The following COL2A1 variants were observed in gnomAD, a reference collection of about 807,000 sequenced individuals.
The protein encoded by COL2A1 is collagen alpha-1(II) chain.
Under a neutral mutation model 204.5 loss-of-function variants are expected in COL2A1, and 28 were observed. That is an observed-to-expected ratio of 0.14 (90% CI 0.10 to 0.19). The LOEUF is 0.19. Ranked by LOEUF, COL2A1 falls within the 10% of genes least tolerant of loss-of-function variation. The pLI, the probability that COL2A1 is intolerant of heterozygous loss-of-function variation, is 1.00. For synonymous variants in COL2A1, 708 were observed against 718.7 expected (o/e 0.99, Z 0.24); for missense variants, 1,388 against 2,027.5 (o/e 0.68, Z 6.06).
At chr12:47,989,838 G>A (rs774914662) in intron 16 of COL2A1, 33 bp from the exon 17 acceptor site, 1 of 1,606,740 alleles carries the variant, frequency 6.2e-7, no homozygotes, top group East Asian at 2.2e-5. Context: ...CATGAGAGGT[G>A]CCCACAGGCC....
chr12:47,989,910 G>T, intron 16 of COL2A1, 105 bp from the exon 17 acceptor site: 1 of 1,124,090 alleles, frequency 8.9e-7, no homozygotes, highest in Non-Finnish European at 1.3e-6. Flanking sequence ...TGCCTGGGGT[G>T]TCCCAGGGCA....
chr12:47,989,966 C>A (rs1414153973), intron 16 of COL2A1, among the ~76,000 whole-genome samples, 161 bp from the exon 17 acceptor site: 1 of 151,998 alleles, frequency 6.6e-6, no homozygotes, highest in Non-Finnish European at 1.5e-5. Flanking sequence ...GGTGTCTGTG[C>A]GAGTGGGTGG....
intron 23 of COL2A1, among the ~76,000 whole-genome samples, 177 bp downstream of exon 23, chr12:47,986,159 C>G (rs1939392407): frequency 6.6e-6 from 1 of 152,182 alleles, no homozygotes; most frequent in Admixed American, 6.5e-5. Flanking sequence ...TCATGTCAGT[C>G]TGGTGGTTGG....
chr12:47,996,961 G>A (rs947204474), intron 7 of COL2A1, among the ~76,000 whole-genome samples: 1 of 152,092 alleles, frequency 6.6e-6, no homozygotes, highest in Non-Finnish European at 1.5e-5. Context: ...ACCTTCTAAG[G>A]GTGTTCTTTA....
chr12:47,987,043 G>A lies in COL2A1; in HGVS notation c.1365+35C>T, dbSNP rs771298505. On this transcript the variant is annotated intron_variant, in intron 21 of 53. Transcript: ENST00000380518. The surrounding 1 kb of genome is among the most constrained non-coding windows in gnomAD (Gnocchi z 4.1). Reference sequence around the variant, plus strand: ...GGTGATGGGGTTTGACTCCAGAGATGTCAGTGGAACTTGGGGGTCACTTTG... The same window carrying A: ...GGTGATGGGGTTTGACTCCAGAGATATCAGTGGAACTTGGGGGTCACTTTG... 1.9e-6 allele frequency: 3 copies of A among 1,598,786 alleles called. No homozygotes were observed. Among genetic ancestry groups the A allele is most frequent in the Non-Finnish European group, 8.6e-7 (1 of 1,166,090 alleles).
chr12:47,989,077 T>A, intron 18 of COL2A1, 151 bp downstream of exon 18: 1 of 717,026 alleles, frequency 1.4e-6, no homozygotes, highest in Non-Finnish European at 2.5e-6. Flanking sequence ...CTTTTTGCCC[T>A]GCCTGGATGG....
rs755499757 is a variant in COL2A1, at chr12:48,000,115, G to A, written c.96C>T (p.Gly32=). Residue 32 remains glycine, a synonymous_variant, in exon 2 of 54, where the codon GGC becomes GGT. Transcript: ENST00000380518. ...RCQGQDVQEA[G]SCVQDGQRYN... The stretch of plus-strand genomic sequence containing the variant: ...ACCTCTGCCCATCCTGCACACAGCT[G>A]CCAGCCTCCTCTGCACCAAGGGTGG... 9.3e-6 allele frequency: 15 copies of A among 1,612,512 alleles called. 1 individual carries two copies. In the Admixed American group the frequency reaches 1.2e-4, roughly 13 times the overall value.
intron 16 of COL2A1, among the ~76,000 whole-genome samples, chr12:47,992,223 C>A (rs920490703): frequency 6.6e-6 from 1 of 152,212 alleles, no homozygotes; most frequent in East Asian, 1.9e-4. Context: ...AATCCCCTCA[C>A]CCTTAATTTC....
rs368641858 is a variant in COL2A1, at chr12:47,984,090, A to G, written c.1938T>C (p.Pro646=). Residue 646 remains proline (P), a synonymous_variant, in exon 29 of 54, where the codon CCT becomes CCC. Coordinates refer to ENST00000380518, the MANE Select transcript of COL2A1 (RefSeq NM_001844.5). The stretch of plus-strand genomic sequence containing the variant: ...GGGAGGCTGGGCAGGTACTTACAGC[A>G]GGGCCAGGGGGTCCTGCAGCACCTG... ...GETGAAGPPG[P]AGPAGERGEQ... 23 of 1,612,412 alleles carry G rather than the reference A, an allele frequency of 1.4e-5. 1 individual carries two copies. The highest frequency in any genetic ancestry group is 1.9e-5 in the Non-Finnish European group (23 of 1,179,496).
chr12:47,997,511 C>T (rs1378108721), intron 7 of COL2A1, 95 bp downstream of exon 7: 16 of 1,610,552 alleles, frequency 9.9e-6, no homozygotes, highest in Non-Finnish European at 1.4e-5. Flanking sequence ...ACACTGCTGG[C>T]AGCCCTGGGA....
At chr12:47,989,100 G>A in intron 18 of COL2A1, 128 bp downstream of exon 18, 2 of 776,562 alleles carry the variant, frequency 2.6e-6, no homozygotes, top group East Asian at 5.3e-5. Flanking sequence ...GGGCCAGTGG[G>A]TGGGGTGGTG....
chr12:48,003,035 T>G (rs1035627506), intron 1 of COL2A1: 5 of 152,242 alleles, frequency 3.3e-5, no homozygotes, highest in Admixed American at 6.5e-5. Context: ...TGCGATTGAT[T>G]TACAATCTGT....
At position 47,982,878 on chromosome 12, in the gene COL2A1, G is replaced by A. The variant is rs141375467; in HGVS notation, c.2163C>T (p.Leu721=). ...GACCATCAGTGCCAGGAGTGCCGGG[G>A]AGGCCACGGGGACCCTGGAGGCCCT... ...GAQGLQGPRG[L]PGTPGTDGPK... Residue 721 remains leucine, a synonymous_variant, in exon 33 of 54, where the codon CTC becomes CTT. Coordinates refer to ENST00000380518, the MANE Select transcript of COL2A1 (RefSeq NM_001844.5). 2.6e-4 allele frequency: 418 copies of A among 1,612,622 alleles called. 1 individual carries two copies. Among genetic ancestry groups the A allele is most frequent in the South Asian group, 2.0e-3 (185 of 91,078 alleles).
chr12:47,984,454 C>G, intron 28 of COL2A1, 92 bp downstream of exon 28: 1 of 1,345,862 alleles, frequency 7.4e-7, no homozygotes, highest in Non-Finnish European at 1.1e-6. Context: ...ACTGAGGGGT[C>G]CCGGGACCAT....
chr12:47,991,139 T>C (rs1327097336), intron 16 of COL2A1, among the ~76,000 whole-genome samples: 1 of 152,218 alleles, frequency 6.6e-6, no homozygotes, highest in Admixed American at 6.5e-5. Context: ...CCCTCTGGGC[T>C]GGCCTGGCTG....
At chr12:48,004,760 C>T (rs895696196), upstream of COL2A1, among the ~76,000 whole-genome samples, 1 of 152,182 alleles carries the variant, frequency 6.6e-6, no homozygotes, top group African/African-American at 2.4e-5. Flanking sequence ...GGCGCTGCCC[C>T]CCTCTGACCA....
intron 5 of COL2A1, 39 bp downstream of exon 5, chr12:47,997,993 C>T (rs1345916152): frequency 6.8e-6 from 11 of 1,614,014 alleles, no homozygotes; most frequent in South Asian, 5.5e-5. Flanking sequence ...TTGCGCGCAG[C>T]GAGGAAGGGA....
chr12:48,003,722 C>T (rs550585504), intron 1 of COL2A1, among the ~76,000 whole-genome samples: 42 of 152,258 alleles, frequency 2.8e-4, no homozygotes, highest in African/African-American at 7.9e-4. Flanking sequence ...TCCCCTTTGT[C>T]TAACTCTGCT....
chr12:47,998,508 A>G lies in COL2A1; in HGVS notation c.293-77T>C, dbSNP rs943094519. ...AAATACCTATTCTTGTCACTCAAACACTCATTAGATCAAACAAGTAAAAGG... is the reference window on the plus strand; with the variant it reads ...AAATACCTATTCTTGTCACTCAAACGCTCATTAGATCAAACAAGTAAAAGG... On this transcript the variant is annotated intron_variant, in intron 2 of 53. Coordinates refer to ENST00000380518, the MANE Select transcript of COL2A1 (RefSeq NM_001844.5). 13 of 1,436,594 alleles carry G rather than the reference A, an allele frequency of 9.0e-6. No homozygotes were observed. The East Asian group carries it at 2.8e-4, about 30-fold the overall frequency. The allele number at this position is 1,436,594 out of a possible 1,614,324, so 89.0% of individuals were successfully genotyped here.
Sources: allele counts gnomAD v4.1 joint callset (sites outside exome capture counted in the v4.1 genomes callset), GRCh38; gene constraint gnomAD v4.1.1; non-coding constraint Gnocchi (gnomAD v3.1); transcripts MANE v1.5; gene names NCBI Gene and HGNC (gene_info 2026-07-23, HGNC 2026-07-21).